VGLL4: variants seen among roughly 807,000 people sequenced by gnomAD.
VGLL4 encodes the protein transcription cofactor vestigial-like protein 4.
A neutral mutation model predicts 21.0 loss-of-function variants in VGLL4; 7 were observed. The observed-to-expected ratio is 0.33, with a 90% confidence interval of 0.19 to 0.63. The LOEUF is 0.63. Among genes scored for constraint, VGLL4 ranks in the 20% least tolerant of loss-of-function variants. The pLI is 0.78. For synonymous variants in VGLL4, 222 were observed against 173.2 expected (o/e 1.28, Z -2.21); for missense variants, 394 against 425.7 (o/e 0.93, Z 0.66).
At chr3:11,711,841 G>C (rs945789132) in intron 1 of VGLL4, among the ~76,000 whole-genome samples, 1 of 152,188 alleles carries the variant, frequency 6.6e-6, no homozygotes, top group South Asian at 2.1e-4. Flanking sequence ...CACCAAATAT[G>C]GATGATACTG....
At chr3:11,720,682 A>T (rs1315530700) in exon 1 of VGLL4, 1 of 152,306 alleles carries the variant, frequency 6.6e-6, no homozygotes, top group East Asian at 1.9e-4. Context: ...TCAGCCGCTC[A>T]CACACCAGTG....
rs530385917 is a variant in VGLL4 at position 11,673,878 on chromosome 3, T to G, written c.64+29093A>C. On this transcript the variant is annotated intron_variant, in intron 2 of 5. Transcript: ENST00000273038. ...AAAATACAAAATTAGCTGGGCGTGG[T>G]AGCGGCGCCTATAATCCCAGCAACT... 4.0e-5 allele frequency among the ~76,000 whole-genome samples: 6 copies of G among 151,828 alleles called. No individual in the cohort carries two copies. In the East Asian group the frequency reaches 1.2e-3, roughly 29 times the overall value.
chr3:11,701,432 C>A (rs1038504274), intron 2 of VGLL4, among the ~76,000 whole-genome samples: 6 of 152,146 alleles, frequency 3.9e-5, no homozygotes, highest in Non-Finnish European at 8.8e-5. Flanking sequence ...AATAAATCAC[C>A]CAGTCTCAGG....
chr3:11,665,136 C>T (rs1443270118), intron 2 of VGLL4, among the ~76,000 whole-genome samples: 2 of 83,670 alleles, frequency 2.4e-5, no homozygotes, highest in East Asian at 3.9e-4. Context: ...TTTTTTGAGA[C>T]GGAGTCTCGC....
At chr3:11,672,776 C>T (rs1012573713) in intron 2 of VGLL4, among the ~76,000 whole-genome samples, 1 of 152,200 alleles carries the variant, frequency 6.6e-6, no homozygotes, top group African/African-American at 2.4e-5. Flanking sequence ...GGCTTCTTCA[C>T]TTATGCATTT....
In VGLL4 at chr3:11,565,744, G is replaced by A. The variant is rs528864183; in HGVS notation, c.273-725C>T. Among the ~76,000 whole-genome samples, 6 of 152,300 alleles carry A rather than the reference G, an allele frequency of 3.9e-5. No individual in the cohort carries two copies. The East Asian group carries it at 5.8e-4, about 15-fold the overall frequency. On this transcript the variant is annotated intron_variant, in intron 2 of 4. Coordinates refer to ENST00000430365, the MANE Select transcript of VGLL4 (RefSeq NM_001128219.3). The surrounding 1 kb of genome is among the most constrained non-coding windows in gnomAD (Gnocchi z 4.1). ...GTGCTGAGCACCCAGGCGATGCCAC[G>A]TGGAATCCAGGTGAGACAGTCAGCA...
intron 1 of VGLL4, among the ~76,000 whole-genome samples, chr3:11,639,781 C>A (rs1472163822): frequency 6.6e-6 from 1 of 152,040 alleles, no homozygotes; most frequent in Non-Finnish European, 1.5e-5. Context: ...GAGGCTGAGG[C>A]AGGAAAATCA....
chr3:11,595,913 T>A (rs545630570), intron 2 of VGLL4, among the ~76,000 whole-genome samples: 1 of 151,490 alleles, frequency 6.6e-6, no homozygotes, highest in Non-Finnish European at 1.5e-5. Context: ...CAGCACACCA[T>A]CATGGCACAT....
intron 3 of VGLL4, among the ~76,000 whole-genome samples, chr3:11,564,402 A>G (rs1375112384): frequency 1.6e-5 from 1 of 60,706 alleles, no homozygotes; most frequent in Non-Finnish European, 5.0e-5. Context: ...GGAGAAACGT[A>G]GGACCCCCCC....
At chr3:11,687,261 T>C (rs909772271) in intron 2 of VGLL4, among the ~76,000 whole-genome samples, 1 of 152,238 alleles carries the variant, frequency 6.6e-6, no homozygotes, top group Non-Finnish European at 1.5e-5. Context: ...ATGTATTTAA[T>C]GTACAGATTA....
At chr3:11,639,732 T>C (rs948442950) in intron 1 of VGLL4, among the ~76,000 whole-genome samples, 19 of 152,118 alleles carry the variant, frequency 1.2e-4, no homozygotes, top group Non-Finnish European at 2.8e-4. Context: ...AATTAGCTGG[T>C]CATGGTGCAG....
At chr3:11,699,672 G>A (rs2076652246) in intron 2 of VGLL4, 1 of 152,218 alleles carries the variant, frequency 6.6e-6, no homozygotes, top group Admixed American at 6.6e-5. Flanking sequence ...AATTAGCTAG[G>A]TGTGGTGGCA....
intron 1 of VGLL4, among the ~76,000 whole-genome samples, chr3:11,610,953 T>C (rs1477743673): frequency 6.6e-6 from 1 of 152,216 alleles, no homozygotes; most frequent in Admixed American, 6.5e-5. Context: ...GGGAAACTAG[T>C]GTTTCAAGAA....
chr3:11,628,760 C>A lies in VGLL4; in HGVS notation c.82+14677G>T, dbSNP rs532739224. On this transcript the variant is annotated intron_variant, in intron 1 of 4. Coordinates refer to ENST00000430365, the MANE Select transcript of VGLL4 (RefSeq NM_001128219.3). Reference sequence around the variant, plus strand: ...GTGTGAACACGGGAGGCAGAGCTTGCAGTGAGCAGAGATCGCACCACTTCA... The same window carrying A: ...GTGTGAACACGGGAGGCAGAGCTTGAAGTGAGCAGAGATCGCACCACTTCA... 2.0e-5 allele frequency among the ~76,000 whole-genome samples: 3 copies of A among 152,338 alleles called. No individual in the cohort carries two copies. In the South Asian group the frequency reaches 6.2e-4, roughly 32 times the overall value.
chr3:11,655,665 G>C (rs1392576090), intron 2 of VGLL4, among the ~76,000 whole-genome samples: 1 of 152,212 alleles, frequency 6.6e-6, no homozygotes, highest in Non-Finnish European at 1.5e-5. Flanking sequence ...TGGGGAGTGC[G>C]GGGACTAAGG....
At chr3:11,666,544 T>A (rs2076129878) in intron 2 of VGLL4, among the ~76,000 whole-genome samples, 1 of 152,186 alleles carries the variant, frequency 6.6e-6, no homozygotes. Context: ...TGGCAAAAAG[T>A]GATCAGATGT....
At chr3:11,707,965 T>G (rs1199781941) in intron 1 of VGLL4, among the ~76,000 whole-genome samples, 1 of 152,218 alleles carries the variant, frequency 6.6e-6, no homozygotes, top group Non-Finnish European at 1.5e-5. Context: ...GGAAAAACCA[T>G]GGCTACAGTA....
At chr3:11,687,801 C>G (rs2076473700) in intron 2 of VGLL4, among the ~76,000 whole-genome samples, 1 of 152,096 alleles carries the variant, frequency 6.6e-6, no homozygotes, top group African/African-American at 2.4e-5. Context: ...TTTCCTATAT[C>G]TTTTCAGTTT....
At chr3:11,587,162 A>G (rs1477053891) in intron 2 of VGLL4, among the ~76,000 whole-genome samples, 2 of 152,248 alleles carry the variant, frequency 1.3e-5, no homozygotes, top group African/African-American at 4.8e-5. Context: ...AGCAGATCAC[A>G]AAGTCCTTGA....
Sources: allele counts gnomAD v4.1 joint callset (sites outside exome capture counted in the v4.1 genomes callset), GRCh38; gene constraint gnomAD v4.1.1; non-coding constraint Gnocchi (gnomAD v3.1); transcripts MANE v1.5; gene names NCBI Gene and HGNC (gene_info 2026-07-23, HGNC 2026-07-21).